The following INO80 variants were observed in gnomAD, a reference collection of about 807,000 sequenced individuals.
INO80 encodes the protein INO80 complex ATPase subunit, also known as chromatin-remodeling ATPase INO80.
A neutral mutation model predicts 203.4 loss-of-function variants in INO80; 20 were observed. That is an observed-to-expected ratio of 0.10 (90% CI 0.07 to 0.14). INO80 has a LOEUF of 0.14. Ranked by LOEUF, INO80 falls within the 10% of genes least tolerant of loss-of-function variation. INO80 has a pLI of 1.00. For synonymous variants in INO80, 726 were observed against 685.2 expected, an observed-to-expected ratio of 1.06 and a Z score of -0.93; for missense variants, 1,419 against 1,914.4, an observed-to-expected ratio of 0.74 and a Z score of 4.83.
intron 9 of INO80, among the ~76,000 whole-genome samples, chr15:41,079,296 T>A (rs1220549304): frequency 1.3e-5 from 2 of 151,984 alleles, no homozygotes; most frequent in African/African-American, 4.8e-5. Context: ...CAAACCAAGA[T>A]GAATTAAAAG....
intron 28 of INO80, among the ~76,000 whole-genome samples, chr15:41,000,706 C>CAAAAAAAA (rs58232890): frequency 9.5e-4 from 54 of 56,762 alleles, no homozygotes; most frequent in Non-Finnish European, 1.1e-3. Flanking sequence ...CACCCTGTCT[C>CAAAAAAAA]AAAAAAAAAA....
chr15:41,060,717 T>C (rs1314091477), intron 14 of INO80, among the ~76,000 whole-genome samples: 1 of 152,156 alleles, frequency 6.6e-6, no homozygotes, highest in Non-Finnish European at 1.5e-5. Context: ...TAGACTTCCC[T>C]GAATAGGTAC....
At chr15:41,103,942 G>A (rs994158914) in intron 1 of INO80, among the ~76,000 whole-genome samples, 20 of 151,844 alleles carry the variant, frequency 1.3e-4, no homozygotes, top group African/African-American at 4.4e-4. Flanking sequence ...ACTGCCAGGC[G>A]CAGTGGCTCA....
chr15:41,050,446 G>A (rs761528311), intron 19 of INO80, among the ~76,000 whole-genome samples: 10 of 152,180 alleles, frequency 6.6e-5, no homozygotes, highest in African/African-American at 9.7e-5. Flanking sequence ...CACTCAGTCT[G>A]CAGCAATGGC....
intron 13 of INO80, 118 bp downstream of exon 13, chr15:41,070,349 C>A: frequency 1.1e-6 from 1 of 897,424 alleles, no homozygotes; most frequent in South Asian, 1.6e-5. Context: ...GGCAAGAACC[C>A]AGTCCCACTA....
intron 26 of INO80, 78 bp from the exon 27 acceptor site, chr15:41,016,293 A>G: frequency 7.3e-7 from 1 of 1,378,262 alleles, no homozygotes; most frequent in Non-Finnish European, 1.0e-6. Context: ...AGCTGTATGC[A>G]ACCACAATCA....
intron 1 of INO80, among the ~76,000 whole-genome samples, chr15:41,110,337 G>A (rs2045941298): frequency 6.6e-6 from 1 of 151,644 alleles, no homozygotes; most frequent in Non-Finnish European, 1.5e-5. Context: ...TAGAGACGGG[G>A]TTTCACCATG....
intron 27 of INO80, among the ~76,000 whole-genome samples, chr15:41,012,637 GA>G (rs1045861140): frequency 5.2e-4 from 76 of 145,836 alleles, no homozygotes; most frequent in Middle Eastern, 7.1e-3. Flanking sequence ...ATTGATCTAT[GA>G]TTTCCTCACC....
At chr15:41,112,947 G>A (rs1202187836) in intron 1 of INO80, among the ~76,000 whole-genome samples, 2 of 151,688 alleles carry the variant, frequency 1.3e-5, no homozygotes, top group East Asian at 3.9e-4. Flanking sequence ...GCCAGCTCGG[G>A]CTCTGTCGCC....
At chr15:40,998,983 T>TAC (rs10650860) in intron 28 of INO80, among the ~76,000 whole-genome samples, 6,125 of 140,372 alleles carry the variant, frequency 0.044, 220 homozygotes, top group African/African-American at 0.097. Flanking sequence ...AAGATTTATC[T>TAC]ACACACACAC....
intron 30 of INO80, 110 bp downstream of exon 30, chr15:40,987,706 G>A (rs1279010335): frequency 1.8e-5 from 19 of 1,068,070 alleles, no homozygotes; most frequent in Admixed American, 2.3e-5. Context: ...TTGTAGTTTC[G>A]TCAGGACCAA....
chr15:40,982,840 C>A, intron 35 of INO80, 22 bp downstream of exon 35: 1 of 1,586,878 alleles, frequency 6.3e-7, no homozygotes, highest in Non-Finnish European at 8.6e-7. Flanking sequence ...ACAAAGTCTG[C>A]AGCCACCCTG....
intron 27 of INO80, among the ~76,000 whole-genome samples, chr15:41,007,881 G>A (rs1028419856): frequency 5.9e-5 from 9 of 152,098 alleles, no homozygotes; most frequent in Non-Finnish European, 8.8e-5. Flanking sequence ...TTGGGGCCAG[G>A]TATGGTGGTT....
At chr15:41,093,079 T>C (rs1007579266) in intron 4 of INO80, among the ~76,000 whole-genome samples, 5 of 151,996 alleles carry the variant, frequency 3.3e-5, no homozygotes, top group African/African-American at 1.2e-4. Flanking sequence ...GGCACATCAA[T>C]ACAGACAAAA....
intron 28 of INO80, among the ~76,000 whole-genome samples, chr15:41,002,517 G>A (rs1483201923): frequency 2.0e-5 from 3 of 152,170 alleles, no homozygotes; most frequent in Admixed American, 6.6e-5. Context: ...TAAGCCAGGA[G>A]AACGACTGCG....
chr15:41,085,177 TG>T (rs1291297142), intron 7 of INO80, among the ~76,000 whole-genome samples, 191 bp downstream of exon 7: 5 of 152,260 alleles, frequency 3.3e-5, no homozygotes, highest in Non-Finnish European at 5.9e-5. Flanking sequence ...CTAATTGTCT[TG>T]TGAATTCTGA....
chr15:41,042,039 A>T (rs2044677606), intron 24 of INO80, among the ~76,000 whole-genome samples: 1 of 145,744 alleles, frequency 6.9e-6, no homozygotes, highest in Non-Finnish European at 1.5e-5. Context: ...TTTGAGACAG[A>T]ATCTTGCTCT....
chr15:41,103,089 A>G (rs2045832734), intron 1 of INO80, among the ~76,000 whole-genome samples: 1 of 152,168 alleles, frequency 6.6e-6, no homozygotes, highest in Admixed American at 6.6e-5. Flanking sequence ...CCTCCACAGC[A>G]GCTAGTTCAT....
intron 14 of INO80, among the ~76,000 whole-genome samples, chr15:41,069,138 T>A (rs2045270916): frequency 6.6e-6 from 1 of 152,166 alleles, no homozygotes; most frequent in Non-Finnish European, 1.5e-5. Flanking sequence ...TATATTTTTG[T>A]TTTTGTGACG....
Sources: gnomAD v4.1 joint callset for allele counts (sites outside exome capture counted in the v4.1 genomes callset) on GRCh38, gnomAD v4.1.1 for gene constraint, MANE v1.5 for transcripts, NCBI Gene and HGNC (gene_info 2026-07-23, HGNC 2026-07-21) for gene names.